TJP1: variants seen among roughly 807,000 people sequenced by gnomAD.
TJP1 encodes tight junction protein 1, also known as tight junction protein ZO-1.
A neutral mutation model predicts 194.2 loss-of-function variants in TJP1; 43 were observed. The ratio of observed to expected loss-of-function variants is 0.22; its 90% confidence interval spans 0.17 to 0.29. The LOEUF (loss-of-function observed/expected upper bound fraction) is 0.29. Among genes scored for constraint, TJP1 ranks in the 10% least tolerant of loss-of-function variants. The pLI is 1.00. For synonymous variants in TJP1, 801 were observed against 779.0 expected (o/e 1.03, Z -0.47); for missense variants, 1,971 against 2,185.7 (o/e 0.90, Z 1.96).
intron 8 of TJP1, among the ~76,000 whole-genome samples, chr15:29,758,019 T>C (rs546541905): frequency 6.6e-6 from 1 of 152,370 alleles, no homozygotes; most frequent in East Asian, 1.9e-4. Context: ...TTTCACCTAA[T>C]GAACAGTAAA....
chr15:29,811,858 A>AAATGAATGAATG (rs71103411), intron 1 of TJP1, among the ~76,000 whole-genome samples: 68 of 150,466 alleles, frequency 4.5e-4, no homozygotes, highest in Non-Finnish European at 6.8e-4. Context: ...TCTCTGTCCA[A>AAATGAATGAATG]AATGAATGAA....
chr15:29,931,923 G>A (rs1441423678), intron 2 of TJP1, among the ~76,000 whole-genome samples: 1 of 152,168 alleles, frequency 6.6e-6, no homozygotes, highest in Admixed American at 6.5e-5. Context: ...ACACCATGTA[G>A]GGTAACTTCC....
chr15:29,960,651 A>AAAAAG (rs1555461601), intron 1 of TJP1, among the ~76,000 whole-genome samples: 1 of 150,780 alleles, frequency 6.6e-6, no homozygotes, highest in African/African-American at 2.5e-5. Context: ...AAAAAAAAAA[A>AAAAAG]GTAATAATCA....
chr15:29,881,873 A>G (rs1176382439), intron 2 of TJP1, among the ~76,000 whole-genome samples: 1 of 152,048 alleles, frequency 6.6e-6, no homozygotes, highest in East Asian at 1.9e-4. Context: ...TGCTACAGAA[A>G]GTAAAGTGTT....
intron 5 of TJP1, among the ~76,000 whole-genome samples, chr15:29,763,246 G>A (rs991865781): frequency 6.6e-6 from 1 of 152,192 alleles, no homozygotes; most frequent in Non-Finnish European, 1.5e-5. Flanking sequence ...TACTAGCAGA[G>A]TCCAGAGAAC....
intron 23 of TJP1, among the ~76,000 whole-genome samples, chr15:29,716,326 G>A (rs1300914378): frequency 6.6e-6 from 1 of 152,212 alleles, no homozygotes; most frequent in Non-Finnish European, 1.5e-5. Context: ...GTACAGAAGT[G>A]AAGACTGATG....
intron 2 of TJP1, among the ~76,000 whole-genome samples, chr15:29,924,384 A>C (rs561289723): frequency 6.6e-6 from 1 of 152,288 alleles, no homozygotes; most frequent in East Asian, 1.9e-4. Context: ...AATTTTTATA[A>C]TTGGAAAAAA....
chr15:29,703,235 TA>T (rs2041667496), intron 27 of TJP1, among the ~76,000 whole-genome samples: 1 of 152,010 alleles, frequency 6.6e-6, no homozygotes, highest in Non-Finnish European at 1.5e-5. Context: ...TGGATCACTT[TA>T]AGTCAGGAGT....
At chr15:29,753,833 A>C (rs549367107) in intron 8 of TJP1, among the ~76,000 whole-genome samples, 23 of 152,180 alleles carry the variant, frequency 1.5e-4, no homozygotes, top group African/African-American at 3.9e-4. Flanking sequence ...AAAAAAAAAA[A>C]AAAAACAAAG....
intron 8 of TJP1, among the ~76,000 whole-genome samples, chr15:29,757,744 C>G (rs1011490756): frequency 6.6e-6 from 1 of 152,202 alleles, no homozygotes; most frequent in African/African-American, 2.4e-5. Flanking sequence ...ATACACTATA[C>G]TTTCTAACCA....
chr15:29,899,466 G>A (rs182539269), intron 2 of TJP1, among the ~76,000 whole-genome samples: 144 of 152,272 alleles, frequency 9.5e-4, no homozygotes, highest in African/African-American at 3.3e-3. Flanking sequence ...TCTTTGGGAA[G>A]TTTTATCAGC....
intron 2 of TJP1, among the ~76,000 whole-genome samples, chr15:29,896,110 T>C (rs552867524): frequency 2.6e-5 from 4 of 152,152 alleles, no homozygotes; most frequent in Non-Finnish European, 5.9e-5. Flanking sequence ...TTTCAGCATA[T>C]GAATTTTGAG....
chr15:29,965,261 G>A (rs1006527573), intron 1 of TJP1, among the ~76,000 whole-genome samples: 1 of 151,774 alleles, frequency 6.6e-6, no homozygotes, highest in Non-Finnish European at 1.5e-5. Context: ...CCAGGCTGGA[G>A]TGCAATGGTA....
At chr15:29,766,622 CA>C in intron 4 of TJP1, 80 bp from the exon 5 acceptor site, 1 of 1,355,126 alleles carries the variant, frequency 7.4e-7, no homozygotes, top group South Asian at 1.6e-5. Flanking sequence ...AGGAATATTA[CA>C]CTTCTCATCC....
intron 2 of TJP1, among the ~76,000 whole-genome samples, chr15:29,949,507 C>A (rs1166797951): frequency 7.1e-6 from 1 of 140,272 alleles, no homozygotes; most frequent in Admixed American, 7.3e-5. Context: ...CCACAACCAC[C>A]ACCTCCACCT....
At chr15:29,885,703 G>A (rs935737674) in intron 2 of TJP1, among the ~76,000 whole-genome samples, 5 of 152,174 alleles carry the variant, frequency 3.3e-5, no homozygotes, top group Admixed American at 3.3e-4. Flanking sequence ...GGGCATCTAA[G>A]AACATCTGAA....
rs182332536 is a variant in TJP1, at chr15:29,818,906, C to T, written c.27+3096G>A. On this transcript the variant is annotated intron_variant, in intron 1 of 27. Coordinates refer to ENST00000614355, the MANE Select transcript of TJP1 (RefSeq NM_001330239.4). ...GATCTCAGCTCAATGCAACCTCCGC[C>T]TTCCAGGTTCAAGCAATTCTCCTTC... Among the ~76,000 whole-genome samples the T allele has an allele frequency of 2.6e-5, 4 of 152,182 alleles. No individual in the cohort carries two copies. In the East Asian group the frequency reaches 7.7e-4, roughly 29 times the overall value.
intron 2 of TJP1, among the ~76,000 whole-genome samples, chr15:29,858,211 G>A (rs1178101590): frequency 6.6e-6 from 1 of 152,070 alleles, no homozygotes; most frequent in Non-Finnish European, 1.5e-5. Context: ...GACCAACCTG[G>A]GCAACATGTC....
chr15:29,914,139 G>A (rs897270239), intron 2 of TJP1, among the ~76,000 whole-genome samples: 2 of 152,064 alleles, frequency 1.3e-5, no homozygotes, highest in Non-Finnish European at 2.9e-5. Context: ...TGTTTTAAAC[G>A]TACAAAACAT....
Sources: gnomAD v4.1 joint callset for allele counts (sites outside exome capture counted in the v4.1 genomes callset) on GRCh38, gnomAD v4.1.1 for gene constraint, MANE v1.5 for transcripts, NCBI Gene and HGNC (gene_info 2026-07-23, HGNC 2026-07-21) for gene names.